The following ZNF23 variants were observed in gnomAD, a reference collection of about 807,000 sequenced individuals.
ZNF23 encodes zinc finger protein 23, also known as kruppel-like zinc finger factor X31.
A neutral mutation model predicts 56.2 loss-of-function variants in ZNF23; 48 were observed. The ratio of observed to expected loss-of-function variants is 0.85; its 90% confidence interval spans 0.68 to 1.09. The LOEUF (loss-of-function observed/expected upper bound fraction) is 1.09. ZNF23 is among the 50% of genes least tolerant of loss of function. The probability of loss-of-function intolerance (pLI) is 0.00; values close to 1 mark genes in which losing one functional copy is unlikely to be tolerated. For missense variants in ZNF23, 805 were observed against 811.4 expected, an observed-to-expected ratio of 0.99 and a Z score of 0.10; for synonymous variants, 266 against 283.3, an observed-to-expected ratio of 0.94 and a Z score of 0.61.
intron 4 of ZNF23, 55 bp from the exon 5 acceptor site, chr16:71,449,940 A>G: frequency 7.1e-7 from 1 of 1,416,748 alleles, no homozygotes; most frequent in Non-Finnish European, 9.5e-7. Context: ...AGGAAAAAGA[A>G]GAGAACTGTG....
Position 71,448,025 on chromosome 16 carries a change from G to C in ZNF23, c.*68C>G. The C allele has an allele frequency of 1.5e-6, 2 of 1,325,608 alleles. No individual in the cohort carries two copies. Among genetic ancestry groups the C allele is most frequent in the Non-Finnish European group, 2.1e-6 (2 of 970,500 alleles). 82.1% of individuals were successfully genotyped at this position (1,325,608 alleles called of 1,614,324 possible). A position where few individuals can be genotyped will look rare whatever the true frequency, so the allele number is the denominator to read the frequency against. On this transcript the variant is annotated 3_prime_UTR_variant, in exon 5 of 5. Transcript: ENST00000647773. The stretch of plus-strand genomic sequence containing the variant: ...CATGCCCTCTTGGAGGTTTTTCAAT[G>C]GATGAATCTGATGATACTTGATCCA...
intron 1 of ZNF23, 177 bp downstream of exon 1, chr16:71,462,033 G>A (rs902496960): frequency 2.0e-5 from 3 of 152,406 alleles, no homozygotes; most frequent in African/African-American, 7.2e-5. Context: ...CAAAGCTGGA[G>A]TCGAGGAGCG....
rs760149849 is a variant in ZNF23 at position 71,448,484 on chromosome 16, C to T, written c.1670G>A (p.Ser557Asn). 1 of 1,614,236 alleles carries T rather than the reference C, an allele frequency of 6.2e-7. No individual in the cohort carries two copies. The highest frequency in any genetic ancestry group is 8.5e-7 in the Non-Finnish European group (1 of 1,180,042). ...ATGCCTAGTTAGTTTGGCATTGATA[C>T]TGAAGGCTTTCCCACATTCCTTACA... is the stretch of plus-strand genomic sequence containing the variant. Reference protein sequence around the residue: ...YQCKECGKAFSINAKLTRHQR... With the variant: ...YQCKECGKAFNINAKLTRHQR... The change falls in exon 5 of 5, where the codon AGT becomes AAT. Residue 557 changes from serine to asparagine, a missense_variant. Coordinates refer to ENST00000647773, the MANE Select transcript of ZNF23 (RefSeq NM_001381984.1).
intron 1 of ZNF23, among the ~76,000 whole-genome samples, chr16:71,460,137 A>C (rs1343322934): frequency 1.3e-5 from 2 of 152,230 alleles, no homozygotes; most frequent in Non-Finnish European, 2.9e-5. Context: ...GTTTAAATGC[A>C]GTAGGCAAAC....
chr16:71,453,934 C>G (rs2043137284), intron 3 of ZNF23, 108 bp downstream of exon 3: 2 of 1,330,756 alleles, frequency 1.5e-6, no homozygotes, highest in Admixed American at 1.7e-5. Context: ...CTCTGGGGTT[C>G]TCACTCAGTA....
intron 3 of ZNF23, 164 bp downstream of exon 3, chr16:71,453,878 T>G (rs912897139): frequency 1.2e-5 from 10 of 802,312 alleles, no homozygotes; most frequent in Non-Finnish European, 2.0e-5. Context: ...ACAAAAGGCT[T>G]GGCATTTGCC....
At chr16:71,455,752 CTTT>C (rs562953152) in intron 2 of ZNF23, among the ~76,000 whole-genome samples, 2 of 152,170 alleles carry the variant, frequency 1.3e-5, no homozygotes, top group Non-Finnish European at 2.9e-5. Flanking sequence ...TGGGATTCTT[CTTT>C]GTGAAGTGGT....
Position 71,449,071 on chromosome 16 carries a change from A to G in ZNF23, c.1083T>C (p.Asn361=). 1 of 1,614,134 alleles carries G rather than the reference A, an allele frequency of 6.2e-7. No homozygotes were observed. The highest frequency in any genetic ancestry group is 1.7e-5 in the Admixed American group (1 of 60,024). ...YECNDCGKAF[N]VNAKLIQHQR... is the part of the protein sequence containing the mutation. Reference sequence around the variant, plus strand: ...GATGTTGAATTAATTTTGCATTAACATTGAACGCTTTCCCACAGTCATTAC... The same window carrying G: ...GATGTTGAATTAATTTTGCATTAACGTTGAACGCTTTCCCACAGTCATTAC... Residue 361 remains asparagine (N), a synonymous_variant, in exon 5 of 5, where the codon AAT becomes AAC. Transcript: ENST00000647773.
At chr16:71,450,216 T>G (rs1325427997) in intron 4 of ZNF23, 1 of 181,502 alleles carries the variant, frequency 5.5e-6, no homozygotes, top group Non-Finnish European at 1.1e-5. Flanking sequence ...CCTAGAAAAC[T>G]TCTAGAAGAA....
At chr16:71,461,478 CA>C (rs1567565628) in intron 1 of ZNF23, among the ~76,000 whole-genome samples, 1 of 152,068 alleles carries the variant, frequency 6.6e-6, no homozygotes, top group Non-Finnish European at 1.5e-5. Context: ...AGAGTAAAGA[CA>C]AAAAGACCTG....
Position 71,450,353 on chromosome 16 carries a change from TAAA to T in ZNF23, c.269-471_269-469del, listed in dbSNP as rs71389667. The T allele has an allele frequency of 1.9e-5, 3 of 156,100 alleles. No individual in the cohort carries two copies. The Admixed American group carries it at 1.9e-4, about 10-fold the overall frequency. 9.7% of individuals were successfully genotyped at this position (156,100 alleles called of 1,614,324 possible). On this transcript the variant is annotated intron_variant, in intron 4 of 4. Coordinates refer to ENST00000647773, the MANE Select transcript of ZNF23 (RefSeq NM_001381984.1). ...TAATGAAAAGCAATGAAAGTAATGA[TAAA>T]AAAAAAATCACCATTCCCACTGTGC... is the stretch of plus-strand genomic sequence containing the variant.
chr16:71,448,435 T>C lies in ZNF23; in HGVS notation c.1719A>G (p.Lys573=). The C allele has an allele frequency of 6.2e-7, 1 of 1,614,244 alleles. No individual in the cohort carries two copies. The highest frequency in any genetic ancestry group is 1.1e-5 in the South Asian group (1 of 91,090). The part of the protein sequence containing the change: ...TRHQRIHTGE[K]PFKCMECEKA... ...TCTCACATTCCATACATTTGAAAGG[T>C]TTCTCCCCAGTATGTATCCTCTGAT... The change falls in exon 5 of 5, where the codon AAA becomes AAG. Residue 573 remains lysine, a synonymous_variant. Coordinates refer to ENST00000647773, the MANE Select transcript of ZNF23 (RefSeq NM_001381984.1).
chr16:71,453,233 C>A lies in ZNF23; in HGVS notation c.268+10G>T, dbSNP rs762022614. 1 of 1,593,114 alleles carries A rather than the reference C, an allele frequency of 6.3e-7. No individual in the cohort carries two copies. The highest frequency in any genetic ancestry group is 8.6e-7 in the Non-Finnish European group (1 of 1,166,658). On this transcript the variant is annotated intron_variant, in intron 4 of 4. Coordinates refer to ENST00000647773, the MANE Select transcript of ZNF23 (RefSeq NM_001381984.1). ...ATTCCAACAGAGTGGGAAATATGTA[C>A]CTCCCTTACCAGTCTGGAGGCCCTG...
chr16:71,457,427 C>G (rs1184598563), intron 1 of ZNF23, among the ~76,000 whole-genome samples: 1 of 152,102 alleles, frequency 6.6e-6, no homozygotes, highest in Non-Finnish European at 1.5e-5. Context: ...GCCGGGCGTG[C>G]TGGCGGGCGC....
chr16:71,454,124 C>T lies in ZNF23; in HGVS notation c.78G>A (p.Ala26=), dbSNP rs150246854. 34 of 1,614,046 alleles carry T rather than the reference C, an allele frequency of 2.1e-5. No homozygotes were observed. The East Asian group carries it at 2.7e-4, about 13-fold the overall frequency. The change falls in exon 3 of 5, where the codon GCG becomes GCA. Residue 26 remains alanine, a synonymous_variant. Transcript: ENST00000647773. Reference sequence around the variant, plus strand: ...GTGCAGGGGACAGGCCATCCCATTCCGCCTGGGTGAAGTACACAGCCACGT... The same window carrying T: ...GTGCAGGGGACAGGCCATCCCATTCTGCCTGGGTGAAGTACACAGCCACGT... The part of the protein sequence containing the change: ...FEDVAVYFTQ[A]EWDGLSPAQR...
chr16:71,450,864 A>C (rs2043036580), intron 4 of ZNF23: 1 of 209,658 alleles, frequency 4.8e-6, no homozygotes, highest in African/African-American at 2.4e-5. Flanking sequence ...CTTAAAAAAA[A>C]ATGGAAAATG....
Position 71,453,320 on chromosome 16 carries a change from G to A in ZNF23, c.191C>T (p.Ser64Leu), listed in dbSNP as rs1425931459. The change falls in exon 4 of 5, where the codon TCA becomes TTA. Residue 64 changes from serine to leucine, a missense_variant. By Grantham distance (145) the Ser-to-Leu change is moderately radical. Transcript: ENST00000647773. ...CAGCTCACTTCCTCCCTCCAGTTGT[G>A]AGATCACAGCAGGTTTGAGAAGTGG... The part of the protein sequence containing the change: ...GFPLLKPAVI[S>L]QLEGGSELGG... The A allele has an allele frequency of 1.9e-6, 3 of 1,604,406 alleles. No homozygotes were observed. The highest frequency in any genetic ancestry group is 1.7e-5 in the Admixed American group (1 of 59,006).
Position 71,449,140 on chromosome 16 carries a change from A to G in ZNF23, c.1014T>C (p.Tyr338=). The G allele has an allele frequency of 6.2e-7, 1 of 1,614,192 alleles. No individual in the cohort carries two copies. Among genetic ancestry groups the G allele is most frequent in the Non-Finnish European group, 8.5e-7 (1 of 1,180,044 alleles). Residue 338 remains tyrosine, a synonymous_variant, in exon 5 of 5, where the codon TAT becomes TAC. Coordinates refer to ENST00000647773, the MANE Select transcript of ZNF23 (RefSeq NM_001381984.1). ...CAGTGTGGACTCTCTGATGTGTAAT[A>G]TATGCAGAACTACAGCTGAAGCCAT... The part of the protein sequence containing the change: ...CGNGFSCSSA[Y]ITHQRVHTGE...
At chr16:71,457,956 C>T (rs2043301188) in intron 1 of ZNF23, among the ~76,000 whole-genome samples, 1 of 152,142 alleles carries the variant, frequency 6.6e-6, no homozygotes, top group Non-Finnish European at 1.5e-5. Flanking sequence ...GGAGGCAGCG[C>T]CTGGAGAAGG....
Sources: gnomAD v4.1 joint callset for allele counts (sites outside exome capture counted in the v4.1 genomes callset) on GRCh38, gnomAD v4.1.1 for gene constraint, MANE v1.5 for transcripts, NCBI Gene and HGNC (gene_info 2026-07-23, HGNC 2026-07-21) for gene names.